Variants in CEP112 observed in about 807,000 individuals in gnomAD.
The protein encoded by CEP112 is centrosomal protein 112, also known as centrosomal protein of 112 kDa.
In CEP112, 127 loss-of-function variants were observed where a neutral mutation model predicts 153.0. The ratio of observed to expected loss-of-function variants is 0.83; its 90% CI spans 0.72 to 0.96. The LOEUF is 0.96. CEP112 is among the 40% of genes least tolerant of loss of function. The pLI is 0.00. For synonymous variants in CEP112, 358 were observed against 374.4 expected (o/e 0.96, Z 0.51); for missense variants, 1,089 against 1,101.2 (o/e 0.99, Z 0.16).
intron 24 of CEP112, chr17:65,644,384 G>A: frequency 1.8e-6 from 1 of 556,520 alleles, no homozygotes; most frequent in Non-Finnish European, 3.3e-6. Context: ...ATTTTCCAGG[G>A]TCTTCTGAAG....
At chr17:65,972,958 G>T (rs2062900346) in intron 17 of CEP112, among the ~76,000 whole-genome samples, 1 of 152,098 alleles carries the variant, frequency 6.6e-6, no homozygotes, top group African/African-American at 2.4e-5. Flanking sequence ...TAGAGACGGG[G>T]TTTCACCATG....
chr17:65,895,217 AAAC>A (rs1258721951), intron 20 of CEP112, among the ~76,000 whole-genome samples: 1 of 152,082 alleles, frequency 6.6e-6, no homozygotes, highest in Non-Finnish European at 1.5e-5. Context: ...AAAAAGATCA[AAAC>A]AGAGTTTCTA....
chr17:65,645,838 C>T (rs977525165), intron 24 of CEP112, among the ~76,000 whole-genome samples: 2 of 152,154 alleles, frequency 1.3e-5, no homozygotes, highest in Non-Finnish European at 2.9e-5. Context: ...AGAAAAATTA[C>T]ACCTCCTTTT....
intron 24 of CEP112, among the ~76,000 whole-genome samples, chr17:65,679,393 A>C (rs1373022145): frequency 6.6e-6 from 1 of 152,070 alleles, no homozygotes; most frequent in Non-Finnish European, 1.5e-5. Context: ...ATAACCATTA[A>C]ACATGAAAAG....
At chr17:65,885,964 T>G (rs1430465780) in intron 20 of CEP112, among the ~76,000 whole-genome samples, 1 of 152,230 alleles carries the variant, frequency 6.6e-6, no homozygotes, top group East Asian at 1.9e-4. Context: ...TCATTTCACG[T>G]GAACCTATAT....
intron 21 of CEP112, among the ~76,000 whole-genome samples, chr17:65,823,380 T>G (rs1293430747): frequency 6.6e-6 from 1 of 152,194 alleles, no homozygotes. Context: ...GTAGGCCACA[T>G]ATATGTGGTC....
chr17:66,087,541 T>A (rs1568476407), intron 8 of CEP112, among the ~76,000 whole-genome samples: 1 of 152,136 alleles, frequency 6.6e-6, no homozygotes, highest in Non-Finnish European at 1.5e-5. Context: ...AACACCAGGA[T>A]TATACAAGAA....
chr17:66,137,326 A>G (rs1203088978), intron 4 of CEP112, among the ~76,000 whole-genome samples: 2 of 152,106 alleles, frequency 1.3e-5, no homozygotes, highest in Non-Finnish European at 2.9e-5. Flanking sequence ...GACTGAAGAA[A>G]ACATAAGAAA....
chr17:65,805,247 G>GT (rs1178046625), intron 21 of CEP112, among the ~76,000 whole-genome samples: 1 of 152,110 alleles, frequency 6.6e-6, no homozygotes, highest in Non-Finnish European at 1.5e-5. Flanking sequence ...TATGACTACC[G>GT]TAATACCTCA....
rs1185297300 is a variant in CEP112 at position 66,029,056 on chromosome 17, G to C, written c.1503+67C>G. ...TCAAATGCCAAATAATTTCTACTTG[G>C]CTATCTATGGCTCTAGGCTTAGTGA... On this transcript the variant is annotated intron_variant, in intron 14 of 26. Transcript: ENST00000535342. 7 of 1,169,822 alleles carry C rather than the reference G, an allele frequency of 6.0e-6. No individual in the cohort carries two copies. In the East Asian group the frequency reaches 1.7e-4, roughly 29 times the overall value. 72.5% of individuals were successfully genotyped at this position (1,169,822 alleles called of 1,614,324 possible). A position where few individuals can be genotyped will look rare whatever the true frequency, so the allele number is the denominator to read the frequency against.
intron 23 of CEP112, among the ~76,000 whole-genome samples, chr17:65,719,541 C>T (rs1490416670): frequency 1.3e-5 from 2 of 152,108 alleles, no homozygotes; most frequent in African/African-American, 2.4e-5. Flanking sequence ...GAGATCATGC[C>T]ACCGCACTCC....
intron 21 of CEP112, among the ~76,000 whole-genome samples, chr17:65,800,472 T>C (rs1257472932): frequency 6.6e-6 from 1 of 152,230 alleles, no homozygotes; most frequent in Non-Finnish European, 1.5e-5. Context: ...TAATCTTTCA[T>C]TTTATGGATA....
chr17:65,792,746 A>C (rs989176527), intron 21 of CEP112, among the ~76,000 whole-genome samples: 1 of 152,188 alleles, frequency 6.6e-6, no homozygotes, highest in African/African-American at 2.4e-5. Context: ...CCCTGAACTT[A>C]GATGTTTGAA....
At chr17:65,721,009 C>A (rs1220855705) in intron 23 of CEP112, among the ~76,000 whole-genome samples, 2 of 125,744 alleles carry the variant, frequency 1.6e-5, no homozygotes, top group African/African-American at 2.9e-5. Context: ...CTCTCTCTCT[C>A]TTTTTTTTTT....
intron 21 of CEP112, among the ~76,000 whole-genome samples, chr17:65,788,462 T>G (rs552327749): frequency 6.6e-6 from 1 of 152,288 alleles, no homozygotes; most frequent in East Asian, 1.9e-4. Context: ...AGATTTTGTT[T>G]ATTATTGGAG....
intron 21 of CEP112, among the ~76,000 whole-genome samples, chr17:65,752,686 C>G (rs948421657): frequency 6.6e-6 from 1 of 152,190 alleles, no homozygotes; most frequent in Non-Finnish European, 1.5e-5. Context: ...TCTCCAATTC[C>G]TGAACCTTCC....
At chr17:65,982,520 T>G (rs1226440720) in intron 17 of CEP112, among the ~76,000 whole-genome samples, 3 of 152,224 alleles carry the variant, frequency 2.0e-5, no homozygotes, top group Non-Finnish European at 4.4e-5. Flanking sequence ...TAGAAAAACA[T>G]ATTTTTATCA....
At chr17:65,966,782 G>C (rs559178218) in intron 17 of CEP112, among the ~76,000 whole-genome samples, 1 of 152,288 alleles carries the variant, frequency 6.6e-6, no homozygotes, top group African/African-American at 2.4e-5. Flanking sequence ...CTAAATTCTA[G>C]TTTAAAAATG....
chr17:65,640,159 T>A (rs752069767), intron 25 of CEP112, among the ~76,000 whole-genome samples: 1,983 of 137,756 alleles, frequency 0.014, 31 homozygotes, highest in Non-Finnish European at 0.017. Context: ...TATATATTTT[T>A]TTTTTTTTTT....
Sources: gnomAD v4.1 joint callset for allele counts (sites outside exome capture counted in the v4.1 genomes callset) on GRCh38, gnomAD v4.1.1 for gene constraint, MANE v1.5 for transcripts, NCBI Gene and HGNC (gene_info 2026-07-23, HGNC 2026-07-21) for gene names.